Variants in RORB observed in about 807,000 individuals in gnomAD.
RORB encodes RAR related orphan receptor B, also known as nuclear receptor ROR-beta.
A neutral mutation model predicts 59.1 loss-of-function variants in RORB; 6 were observed. That is an observed-to-expected ratio of 0.10 (90% CI 0.06 to 0.20). The LOEUF is 0.20. Among genes scored for constraint, RORB ranks in the 10% least tolerant of loss-of-function variants. RORB has a pLI of 1.00. For missense variants in RORB, 320 were observed against 560.5 expected, an observed-to-expected ratio of 0.57 and a Z score of 4.33; for synonymous variants, 215 against 204.5, an observed-to-expected ratio of 1.05 and a Z score of -0.44.
At chr9:74,580,965 C>T (rs1023564708) in intron 1 of RORB, among the ~76,000 whole-genome samples, 2 of 152,068 alleles carry the variant, frequency 1.3e-5, no homozygotes, top group African/African-American at 4.8e-5. Context: ...GAAGTTTTGC[C>T]CCACCCAGCT....
intron 1 of RORB, among the ~76,000 whole-genome samples, chr9:74,567,150 C>T (rs987208976): frequency 6.6e-6 from 1 of 151,960 alleles, no homozygotes; most frequent in African/African-American, 2.4e-5. Flanking sequence ...CTCAACCTCC[C>T]GACTACCTGG....
chr9:74,644,494 T>C (rs1823864123), intron 4 of RORB, among the ~76,000 whole-genome samples: 1 of 152,170 alleles, frequency 6.6e-6, no homozygotes, highest in African/African-American at 2.4e-5. Context: ...CAGAGTCCTA[T>C]AATTACTAAA....
At chr9:74,516,535 C>T (rs1304531791) in intron 1 of RORB, among the ~76,000 whole-genome samples, 3 of 151,822 alleles carry the variant, frequency 2.0e-5, no homozygotes, top group African/African-American at 7.3e-5. Flanking sequence ...AGGGGCCTAG[C>T]GTTTGAACTT....
chr9:74,633,756 ATG>A, intron 2 of RORB, among the ~76,000 whole-genome samples: 1 of 152,178 alleles, frequency 6.6e-6, no homozygotes, highest in Non-Finnish European at 1.5e-5. Context: ...TTTTTACCTG[ATG>A]AACCCAAATG....
At chr9:74,656,517 C>T (rs997450578) in intron 4 of RORB, among the ~76,000 whole-genome samples, 10 of 152,308 alleles carry the variant, frequency 6.6e-5, no homozygotes, top group African/African-American at 2.4e-4. Context: ...GGGCAGATCG[C>T]CTGAGGTCAA....
intron 1 of RORB, among the ~76,000 whole-genome samples, chr9:74,613,566 C>T (rs1318511375): frequency 1.3e-5 from 2 of 152,122 alleles, no homozygotes; most frequent in Admixed American, 1.3e-4. Context: ...CCTTGGCCCC[C>T]CACCAAACAA....
intron 1 of RORB, among the ~76,000 whole-genome samples, chr9:74,514,126 C>T (rs1587335297): frequency 6.6e-6 from 1 of 152,222 alleles, no homozygotes; most frequent in African/African-American, 2.4e-5. Flanking sequence ...ACAATCATAT[C>T]TGAGAAGCTT....
chr9:74,546,144 A>G (rs373120748), intron 1 of RORB, among the ~76,000 whole-genome samples: 5 of 152,316 alleles, frequency 3.3e-5, no homozygotes, highest in African/African-American at 1.2e-4. Flanking sequence ...AAAAATGACG[A>G]AGATTTCAAA....
At chr9:74,606,021 G>A (rs552474762) in intron 1 of RORB, among the ~76,000 whole-genome samples, 8 of 152,188 alleles carry the variant, frequency 5.3e-5, no homozygotes, top group African/African-American at 1.4e-4. Flanking sequence ...GTGGAGAATC[G>A]CCAATCTAAA....
At chr9:74,500,696 A>C (rs1244815789) in intron 1 of RORB, among the ~76,000 whole-genome samples, 1 of 152,042 alleles carries the variant, frequency 6.6e-6, no homozygotes, top group Non-Finnish European at 1.5e-5. Flanking sequence ...CGGCAAACCT[A>C]TTCCCACCCC....
At position 74,618,778 on chromosome 9, in the gene RORB, G is replaced by A. The variant is rs563788161; in HGVS notation, c.8-11504G>A. ...ATATGTGTGTGTGTGTATATTGTGG[G>A]GGGTGGAAGGCCAAAGGTTATTGTC... is the stretch of plus-strand genomic sequence containing the variant. On this transcript the variant is annotated intron_variant, in intron 1 of 9. Transcript: ENST00000376896. 2.6e-5 allele frequency among the ~76,000 whole-genome samples: 4 copies of A among 152,090 alleles called. No homozygotes were observed. In the East Asian group the frequency reaches 7.7e-4, roughly 29 times the overall value.
chr9:74,505,747 A>G (rs1825862158), intron 1 of RORB, among the ~76,000 whole-genome samples: 1 of 152,096 alleles, frequency 6.6e-6, no homozygotes, highest in South Asian at 2.1e-4. Flanking sequence ...CAGTTGCCTT[A>G]TATAGTTGGT....
rs540172998 is a variant in RORB at position 74,668,577 on chromosome 9, T to C, written c.1111+676T>C. On this transcript the variant is annotated intron_variant, in intron 8 of 9. Transcript: ENST00000376896. ...ATAAACAGTCGATTGACACATACTT[T>C]GCATGTTAAATGTATTGTATACTGT... Among the ~76,000 whole-genome samples the C allele has an allele frequency of 3.9e-3, 592 of 152,280 alleles. 4 individuals carry two copies. The highest frequency in any genetic ancestry group is 0.013 in the African/African-American group (544 of 41,558).
chr9:74,671,502 AGAGT>A (rs1824345417), intron 8 of RORB, among the ~76,000 whole-genome samples: 1 of 152,206 alleles, frequency 6.6e-6, no homozygotes, highest in Non-Finnish European at 1.5e-5. Flanking sequence ...TCCAAAGCAA[AGAGT>A]GAGAGATGTA....
At chr9:74,611,581 TC>T (rs1823232492) in intron 1 of RORB, among the ~76,000 whole-genome samples, 1 of 152,160 alleles carries the variant, frequency 6.6e-6, no homozygotes. Flanking sequence ...TCCTATATGG[TC>T]CCCCAGTGTT....
At position 74,662,465 on chromosome 9, in the gene RORB, C is replaced by G. The variant is rs753306188; in HGVS notation, c.760-9C>G. 1 of 1,613,794 alleles carries G rather than the reference C, an allele frequency of 6.2e-7. No individual in the cohort carries two copies. The highest frequency in any genetic ancestry group is 8.5e-7 in the Non-Finnish European group (1 of 1,179,756). ...GCCCTATTTACATTCTGTGTCTTCTCTCCTCAAGTCCAGGGAAGCACTGTG... is the reference window on the plus strand; with the variant it reads ...GCCCTATTTACATTCTGTGTCTTCTGTCCTCAAGTCCAGGGAAGCACTGTG... On this transcript the variant is annotated splice_polypyrimidine_tract_variant and intron_variant, in intron 5 of 9. Coordinates refer to ENST00000376896, the MANE Select transcript of RORB (RefSeq NM_006914.4).
intron 1 of RORB, among the ~76,000 whole-genome samples, chr9:74,596,655 C>T (rs145507636): frequency 1.3e-3 from 204 of 152,276 alleles, no homozygotes; most frequent in African/African-American, 4.7e-3. Context: ...ACAGATTCTG[C>T]CTCAGACTTA....
At chr9:74,595,659 C>A (rs1243233852) in intron 1 of RORB, among the ~76,000 whole-genome samples, 1 of 152,168 alleles carries the variant, frequency 6.6e-6, no homozygotes, top group Non-Finnish European at 1.5e-5. Context: ...GCCGGTTTAC[C>A]ACTTTCTGTG....
intron 1 of RORB, among the ~76,000 whole-genome samples, chr9:74,524,140 T>G (rs542464491): frequency 1.3e-5 from 2 of 151,104 alleles, no homozygotes; most frequent in Non-Finnish European, 3.0e-5. Context: ...TCCAGTATAG[T>G]GGGATATGCC....
Sources: gnomAD v4.1 joint callset for allele counts (sites outside exome capture counted in the v4.1 genomes callset) on GRCh38, gnomAD v4.1.1 for gene constraint, MANE v1.5 for transcripts, NCBI Gene and HGNC (gene_info 2026-07-23, HGNC 2026-07-21) for gene names.